MTMR4: variants seen among roughly 807,000 people sequenced by gnomAD.
MTMR4 encodes the protein phosphatidylinositol-3,5-bisphosphate 3-phosphatase MTMR4.
Under a neutral mutation model 125.5 loss-of-function variants are expected in MTMR4, and 30 were observed. The ratio of observed to expected loss-of-function variants is 0.24; its 90% CI spans 0.18 to 0.32. The LOEUF (loss-of-function observed/expected upper bound fraction) is 0.32. Ranked by LOEUF, MTMR4 falls within the 10% of genes least tolerant of loss-of-function variation. The pLI is 1.00. For synonymous variants in MTMR4, 498 were observed against 564.5 expected (o/e 0.88, Z 1.67); for missense variants, 1,039 against 1,511.5 (o/e 0.69, Z 5.18).
chr17:58,518,185 G>A (rs1446090760), upstream of MTMR4, among the ~76,000 whole-genome samples: 1 of 152,232 alleles, frequency 6.6e-6, no homozygotes, highest in African/African-American at 2.4e-5. Flanking sequence ...CAGTAAAGAG[G>A]GGGCTGCTGG....
At chr17:58,515,959 G>A (rs1036914339), upstream of MTMR4, among the ~76,000 whole-genome samples, 1 of 152,232 alleles carries the variant, frequency 6.6e-6, no homozygotes, top group Non-Finnish European at 1.5e-5. Flanking sequence ...GCTCTTAGGA[G>A]TTAAGGGCTT....
At position 58,492,841 on chromosome 17, in the gene MTMR4, C is replaced by A; in HGVS notation, c.3363+1G>T. The A allele has an allele frequency of 6.2e-7, 1 of 1,613,620 alleles. No individual in the cohort carries two copies. The highest frequency in any genetic ancestry group is 8.5e-7 in the Non-Finnish European group (1 of 1,179,516). On this transcript the variant is annotated splice_donor_variant, in intron 16 of 17. Coordinates refer to ENST00000682306, the MANE Select transcript of MTMR4 (RefSeq NM_001378067.1). LOFTEE classifies it high-confidence loss of function. The stretch of plus-strand genomic sequence containing the variant: ...CCCACCACATATGTGCCTAAACATA[C>A]CTCAGTCTCTTTCTTATCAACAGGT...
Position 58,495,070 on chromosome 17 carries a change from C to A in MTMR4, c.3114G>T (p.Arg1038Ser). ...TGTACCCTGCTTCGATTTGCCGTAA[C>A]CTATGCTGGATCACATCCGTGGGAA... ...LPFPTDVIQH[R>S]LRQIEAGYKQ... is the part of the protein sequence containing the mutation. Residue 1038 changes from arginine to serine, a missense_variant, in exon 15 of 18, where the codon AGG (arginine) becomes AGT (serine). Physicochemically the swap from Arg to Ser is moderately radical, Grantham distance 110. Coordinates refer to ENST00000682306, the MANE Select transcript of MTMR4 (RefSeq NM_001378067.1). 6.2e-7 allele frequency: 1 copy of A among 1,614,222 alleles called. No homozygotes were observed. Among genetic ancestry groups the A allele is most frequent in the Non-Finnish European group, 8.5e-7 (1 of 1,180,042 alleles).
intron 14 of MTMR4, among the ~76,000 whole-genome samples, chr17:58,497,657 A>G (rs556693366): frequency 1.3e-5 from 2 of 152,226 alleles, no homozygotes; most frequent in East Asian, 3.8e-4. Flanking sequence ...TTGAATCCCC[A>G]GCGCCTAGCA....
Position 58,496,334 on chromosome 17 carries a change from GA to G in MTMR4, c.1854-5del. 6.3e-7 allele frequency: 1 copy of G among 1,595,872 alleles called. No homozygotes were observed. The highest frequency in any genetic ancestry group is 8.5e-7 in the Non-Finnish European group (1 of 1,171,094). On this transcript the variant is annotated splice_polypyrimidine_tract_variant and splice_region_variant and intron_variant, in intron 14 of 17. Transcript: ENST00000682306. ...CATGGATCTGGTTTTAGGTAATCTG[GA>G]AAGACAAATATAACACCTCCAGGTC...
chr17:58,512,947 G>T lies in MTMR4; in HGVS notation c.46-6C>A. 1.2e-6 allele frequency: 2 copies of T among 1,608,794 alleles called. No homozygotes were observed. The highest frequency in any genetic ancestry group is 1.7e-6 in the Non-Finnish European group (2 of 1,176,476). Reference sequence around the variant, plus strand: ...CTGGGGGGCCCCTCCTCACCCTGTAGGAAGGCCACAGTCCTAAGTCACCAA... The same window carrying T: ...CTGGGGGGCCCCTCCTCACCCTGTATGAAGGCCACAGTCCTAAGTCACCAA... On this transcript the variant is annotated splice_polypyrimidine_tract_variant and splice_region_variant and intron_variant, in intron 1 of 17. Coordinates refer to ENST00000682306, the MANE Select transcript of MTMR4 (RefSeq NM_001378067.1). This position sits in a 1 kb window ranked among gnomAD's most constrained non-coding sequence, Gnocchi z 4.1.
At position 58,495,925 on chromosome 17, in the gene MTMR4, A is replaced by C. The variant is rs750925367; in HGVS notation, c.2259T>G (p.Asp753Glu). 3.1e-6 allele frequency: 5 copies of C among 1,614,132 alleles called. No individual in the cohort carries two copies. Among genetic ancestry groups the C allele is most frequent in the East Asian group, 4.5e-5 (2 of 44,888 alleles). ...KGPAPDPSAQ[D>E]ELGRTLDGIG... ...TGCCATCTAAAGTCCTACCCAGCTC[A>C]TCCTGGGCAGAAGGGTCTGGAGCTG... is the stretch of plus-strand genomic sequence containing the variant. The change falls in exon 15 of 18, where the codon GAT (aspartate) becomes GAG (glutamate). Residue 753 changes from aspartate (D) to glutamate (E), a missense_variant. This residue lies in a region of MTMR4 where 619 missense variants were observed against 714.5 expected (regional missense o/e 0.87). Transcript: ENST00000682306.
rs1385317321 is a variant in MTMR4 at position 58,508,584 on chromosome 17, A to G, written c.497-20T>C. 1 of 1,614,202 alleles carries G rather than the reference A, an allele frequency of 6.2e-7. No individual in the cohort carries two copies. The highest frequency in any genetic ancestry group is 8.5e-7 in the Non-Finnish European group (1 of 1,180,028). On this transcript the variant is annotated intron_variant, in intron 5 of 17. Transcript: ENST00000682306. This position sits in a 1 kb window ranked among gnomAD's most constrained non-coding sequence, Gnocchi z 4.8. Reference sequence around the variant, plus strand: ...GCTCACCTGCAACAGAGCCCCCACGATGGTTAGCTTCCCAGAGCACCAATG... The same window carrying G: ...GCTCACCTGCAACAGAGCCCCCACGGTGGTTAGCTTCCCAGAGCACCAATG...
intron 9 of MTMR4, among the ~76,000 whole-genome samples, chr17:58,506,238 A>C (rs1173689413): frequency 6.6e-6 from 1 of 152,170 alleles, no homozygotes; most frequent in African/African-American, 2.4e-5. Flanking sequence ...CTAGAGGTGC[A>C]GTGGCATGAT....
rs777913023 is a variant in MTMR4 at position 58,504,833 on chromosome 17, C to T, written c.1287G>A (p.Pro429=). Residue 429 remains proline, a synonymous_variant, in exon 11 of 18, where the codon CCG becomes CCA. Transcript: ENST00000682306. The surrounding 1 kb of genome is among the most constrained non-coding windows in gnomAD (Gnocchi z 7.1). ...ATATTTTGGCCAGGGCTACGATCTG[C>T]GGTGTGCGGTCCCAGCCATCTGAGC... ...VHCSDGWDRT[P]QIVALAKILL... 37 of 1,613,786 alleles carry T rather than the reference C, an allele frequency of 2.3e-5. No homozygotes were observed. In the East Asian group the frequency reaches 4.9e-4, roughly 21 times the overall value.
rs1468490762 is a variant in MTMR4, at chr17:58,512,684, G to A, written c.135+168C>T. Reference sequence around the variant, plus strand: ...ACAGGAAAGCTGCCTTTCCTTCCCTGCGGCCAAAGGCTCCAGGATGCGCAG... The same window carrying A: ...ACAGGAAAGCTGCCTTTCCTTCCCTACGGCCAAAGGCTCCAGGATGCGCAG... On this transcript the variant is annotated intron_variant, in intron 2 of 17. Coordinates refer to ENST00000682306, the MANE Select transcript of MTMR4 (RefSeq NM_001378067.1). The surrounding 1 kb of genome is among the most constrained non-coding windows in gnomAD (Gnocchi z 4.1). 2.0e-5 allele frequency among the ~76,000 whole-genome samples: 3 copies of A among 152,174 alleles called. No individual in the cohort carries two copies. The highest frequency in any genetic ancestry group is 2.0e-4 in the Admixed American group (3 of 15,280).
chr17:58,509,831 T>C (rs1975879973), intron 4 of MTMR4, among the ~76,000 whole-genome samples: 1 of 152,216 alleles, frequency 6.6e-6, no homozygotes, highest in Non-Finnish European at 1.5e-5. Context: ...TGAATGCTCC[T>C]TCTGAATGCC....
chr17:58,498,550 G>A (rs1598215016), intron 14 of MTMR4, among the ~76,000 whole-genome samples: 2 of 106,280 alleles, frequency 1.9e-5, no homozygotes, highest in East Asian at 6.9e-4. Flanking sequence ...GGGGAGGAGG[G>A]GGGAGGAGGG....
rs113112976 is a variant in MTMR4 at position 58,504,965 on chromosome 17, C to G, written c.1155G>C (p.Ser385=). The G allele has an allele frequency of 8.1e-6, 13 of 1,600,184 alleles. No homozygotes were observed. The highest frequency in any genetic ancestry group is 6.7e-5 in the African/African-American group (5 of 74,620). ...GCAGCCATTTGGTACTCTCCAGTGC[C>G]GACAACCAGCTACACAAAAGCAGAC... ...SQMPDPSNWL[S]ALESTKWLQH... Residue 385 remains serine (S), a synonymous_variant, in exon 11 of 18, where the codon TCG becomes TCC. Transcript: ENST00000682306. This position sits in a 1 kb window ranked among gnomAD's most constrained non-coding sequence, Gnocchi z 7.1.
At chr17:58,502,766 A>T (rs1045029802) in intron 14 of MTMR4, among the ~76,000 whole-genome samples, 4 of 152,244 alleles carry the variant, frequency 2.6e-5, no homozygotes. Flanking sequence ...GGATTTACCT[A>T]TGTAGAGATA....
chr17:58,507,964 AG>A (rs1286217194), intron 7 of MTMR4, 196 bp downstream of exon 7: 12 of 520,948 alleles, frequency 2.3e-5, no homozygotes, highest in East Asian at 1.8e-4. Context: ...CTCTAAAAAA[AG>A]GGGGGGAATG....
chr17:58,512,020 C>T lies in MTMR4; in HGVS notation c.252+370G>A, dbSNP rs8068455. ...TTATTTTTTTGAGAGGTAGTCTCACCCTGTCACCCAAGCTGGACAGCAGTG... is the reference window on the plus strand; with the variant it reads ...TTATTTTTTTGAGAGGTAGTCTCACTCTGTCACCCAAGCTGGACAGCAGTG... On this transcript the variant is annotated intron_variant, in intron 3 of 17. Coordinates refer to ENST00000682306, the MANE Select transcript of MTMR4 (RefSeq NM_001378067.1). The surrounding 1 kb of genome is among the most constrained non-coding windows in gnomAD (Gnocchi z 4.1). Among the ~76,000 whole-genome samples, 129,709 of 151,852 alleles carry T rather than the reference C, an allele frequency of 0.85. 55,778 individuals carry two copies. The highest frequency in any genetic ancestry group is 1 in the East Asian group (5,155 of 5,164).
Position 58,492,491 on chromosome 17 carries a change from A to C in MTMR4, c.3452+20T>G. ...GCCTGCCCTGTTTTTTGTCATACTAAATCATACAAAACATCTTACCTGCAA... is the reference window on the plus strand; with the variant it reads ...GCCTGCCCTGTTTTTTGTCATACTACATCATACAAAACATCTTACCTGCAA... On this transcript the variant is annotated intron_variant, in intron 17 of 17. Coordinates refer to ENST00000682306, the MANE Select transcript of MTMR4 (RefSeq NM_001378067.1). 1 of 1,611,392 alleles carries C rather than the reference A, an allele frequency of 6.2e-7. No individual in the cohort carries two copies. Among genetic ancestry groups the C allele is most frequent in the Non-Finnish European group, 8.5e-7 (1 of 1,178,344 alleles).
chr17:58,514,704 G>C (rs952500957), upstream of MTMR4: 20 of 976,418 alleles, frequency 2.0e-5, no homozygotes, highest in South Asian at 8.5e-4. Context: ...GCGGCTCCGC[G>C]GGCCCCGCCC....
Sources: gnomAD v4.1 joint callset for allele counts (sites outside exome capture counted in the v4.1 genomes callset) on GRCh38, gnomAD v4.1.1 for gene constraint, gnomAD v4.1.1 regional missense constraint, Gnocchi (gnomAD v3.1) non-coding constraint, MANE v1.5 for transcripts, NCBI Gene and HGNC (gene_info 2026-07-23, HGNC 2026-07-21) for gene names.